CWC27: variants seen among roughly 807,000 people sequenced by gnomAD.
CWC27 encodes spliceosome-associated protein CWC27 homolog.
In CWC27, 47 loss-of-function variants were observed where a neutral mutation model predicts 63.6. That is an observed-to-expected ratio of 0.74 (90% CI 0.58 to 0.94). CWC27 has a LOEUF of 0.94. Among genes scored for constraint, CWC27 ranks in the 40% least tolerant of loss-of-function variants. The probability of loss-of-function intolerance (pLI) is 0.00; values close to 1 mark genes in which losing one functional copy is unlikely to be tolerated. For synonymous variants in CWC27, 175 were observed against 179.8 expected (o/e 0.97, Z 0.22); for missense variants, 495 against 554.3 (o/e 0.89, Z 1.07).
chr5:64,972,765 C>G (rs779770686), intron 12 of CWC27: 6 of 427,554 alleles, frequency 1.4e-5, no homozygotes, highest in South Asian at 1.0e-4. Flanking sequence ...CCTTCCCCCT[C>G]CCCCCATTCC....
chr5:64,960,093 C>T (rs897566490), intron 11 of CWC27, among the ~76,000 whole-genome samples: 2 of 151,964 alleles, frequency 1.3e-5, no homozygotes, highest in African/African-American at 4.8e-5. Context: ...TCCATTAAAC[C>T]ATATATTATG....
chr5:64,960,274 G>A (rs1055373706), intron 11 of CWC27, among the ~76,000 whole-genome samples: 17 of 151,220 alleles, frequency 1.1e-4, no homozygotes, highest in African/African-American at 4.1e-4. Flanking sequence ...TTGTACTTTA[G>A]AGCCAGACTA....
chr5:64,801,740 AC>A (rs1744497538), intron 9 of CWC27, among the ~76,000 whole-genome samples: 1 of 152,168 alleles, frequency 6.6e-6, no homozygotes, highest in Non-Finnish European at 1.5e-5. Flanking sequence ...CTTTTTATAT[AC>A]ACATTTCAAA....
intron 10 of CWC27, chr5:64,807,989 C>T (rs1467037212): frequency 1.6e-5 from 23 of 1,396,334 alleles, no homozygotes; most frequent in East Asian, 5.3e-5. Context: ...AGTTGATAAT[C>T]GACTGGCTAC....
chr5:65,018,027 C>T, intron 13 of CWC27, 132 bp from the exon 14 acceptor site: 1 of 745,724 alleles, frequency 1.3e-6, no homozygotes, highest in Non-Finnish European at 2.1e-6. Context: ...GTGGTGTAAG[C>T]ACCAGTAAAC....
At chr5:64,785,615 A>G (rs748691303) in intron 5 of CWC27, 36 bp downstream of exon 5, 29 of 1,301,270 alleles carry the variant, frequency 2.2e-5, no homozygotes, top group South Asian at 3.7e-5. Flanking sequence ...CAGCACTTAC[A>G]TTGTCGTTTA....
At position 64,982,643 on chromosome 5, in the gene CWC27, G is replaced by A. The variant is rs116120373; in HGVS notation, c.1256+5405G>A. The stretch of plus-strand genomic sequence containing the variant: ...TTCCAACAGGACATTGTCAAGCACA[G>A]TTTAGTATAGATGAACACAAATACA... On this transcript the variant is annotated intron_variant, in intron 13 of 13. Transcript: ENST00000381070. Among the ~76,000 whole-genome samples the A allele has an allele frequency of 1.5e-3, 224 of 152,248 alleles. 1 individual carries two copies. Among genetic ancestry groups the A allele is most frequent in the African/African-American group, 5.3e-3 (219 of 41,550 alleles).
chr5:64,880,063 C>T (rs1746899649), intron 10 of CWC27, among the ~76,000 whole-genome samples: 1 of 151,960 alleles, frequency 6.6e-6, no homozygotes, highest in African/African-American at 2.4e-5. Context: ...CTAATTCCTA[C>T]TTATCACTTA....
Position 64,776,068 on chromosome 5 carries a change from C to CGAGAGA in CWC27, c.139+1330_139+1335dup, listed in dbSNP as rs70983650. On this transcript the variant is annotated intron_variant, in intron 2 of 13. Coordinates refer to ENST00000381070, the MANE Select transcript of CWC27 (RefSeq NM_005869.4). The stretch of plus-strand genomic sequence containing the variant: ...AAGAGAGAGGTGGGGAGGAGTGGAG[C>CGAGAGA]GAGAGAGAGAGAGAGAGAGAGAGAG... Among the ~76,000 whole-genome samples, 587 of 108,548 alleles carry CGAGAGA rather than the reference C, an allele frequency of 5.4e-3. 20 individuals are homozygous for CGAGAGA. Among genetic ancestry groups the CGAGAGA allele is most frequent in the African/African-American group, 0.011 (285 of 26,568 alleles). 71.2% of individuals were successfully genotyped at this position (108,548 alleles called of 152,430 possible).
At chr5:64,849,844 T>C (rs1746089863) in intron 10 of CWC27, among the ~76,000 whole-genome samples, 1 of 152,138 alleles carries the variant, frequency 6.6e-6, no homozygotes. Flanking sequence ...AGGTGCTTCC[T>C]TTTCCTTTGC....
intron 13 of CWC27, among the ~76,000 whole-genome samples, chr5:64,977,766 T>A (rs1749254539): frequency 6.6e-6 from 1 of 152,034 alleles, no homozygotes; most frequent in Admixed American, 6.6e-5. Flanking sequence ...ATAAATAAAG[T>A]AATGACATAT....
chr5:64,913,242 G>A (rs1030280382), intron 11 of CWC27, among the ~76,000 whole-genome samples: 1 of 152,010 alleles, frequency 6.6e-6, no homozygotes, highest in Non-Finnish European at 1.5e-5. Flanking sequence ...CTAGAAATAG[G>A]ACAGTAGTAT....
intron 6 of CWC27, among the ~76,000 whole-genome samples, chr5:64,787,662 A>C (rs1374892919): frequency 1.3e-5 from 2 of 152,088 alleles, no homozygotes; most frequent in Non-Finnish European, 2.9e-5. Flanking sequence ...AATAAATTTC[A>C]GTATTTTGGA....
chr5:64,797,851 C>T (rs1744335199), intron 7 of CWC27, among the ~76,000 whole-genome samples: 1 of 152,130 alleles, frequency 6.6e-6, no homozygotes. Context: ...TAGTATAGCT[C>T]ATTAATGGAC....
At chr5:65,016,881 T>C (rs1750057173) in intron 13 of CWC27, among the ~76,000 whole-genome samples, 1 of 152,128 alleles carries the variant, frequency 6.6e-6, no homozygotes, top group Non-Finnish European at 1.5e-5. Flanking sequence ...GAAAAGATAT[T>C]AGCATCATAT....
chr5:64,861,329 A>G (rs1228375792), intron 10 of CWC27, among the ~76,000 whole-genome samples: 2 of 151,812 alleles, frequency 1.3e-5, no homozygotes, highest in Admixed American at 1.3e-4. Flanking sequence ...GTGTGGCCAA[A>G]TCAGATATAT....
rs188707156 is a variant in CWC27, at chr5:64,933,705, C to T, written c.1043-37998C>T. Among the ~76,000 whole-genome samples the T allele has an allele frequency of 3.9e-5, 6 of 152,168 alleles. No individual in the cohort carries two copies. The East Asian group carries it at 1.2e-3, about 29-fold the overall frequency. Reference sequence around the variant, plus strand: ...ATGGGGTTTCACCATATTGGCCAGGCTGGTCTCAAACTCCTGACCTCATAA... The same window carrying T: ...ATGGGGTTTCACCATATTGGCCAGGTTGGTCTCAAACTCCTGACCTCATAA... On this transcript the variant is annotated intron_variant, in intron 11 of 13. Transcript: ENST00000381070.
chr5:64,899,143 A>G (rs1290359686), intron 11 of CWC27, among the ~76,000 whole-genome samples: 1 of 152,160 alleles, frequency 6.6e-6, no homozygotes, highest in African/African-American at 2.4e-5. Context: ...TCAGGGAGAA[A>G]ATTACTAGAT....
rs371025278 is a variant in CWC27, at chr5:64,786,362, G to A, written c.496-162G>A. On this transcript the variant is annotated intron_variant, in intron 5 of 13. Coordinates refer to ENST00000381070, the MANE Select transcript of CWC27 (RefSeq NM_005869.4). ...ATTATTGAGAGAATCCAGTGAGGCC[G>A]TGTAAGTGGAAGCATGTTGTGTAGT... 7.8e-4 allele frequency among the ~76,000 whole-genome samples: 118 copies of A among 152,150 alleles called. 1 individual carries two copies. In the South Asian group the frequency reaches 0.023, roughly 30 times the overall value.
Sources: gnomAD v4.1 joint callset for allele counts (sites outside exome capture counted in the v4.1 genomes callset) on GRCh38, gnomAD v4.1.1 for gene constraint, MANE v1.5 for transcripts, NCBI Gene and HGNC (gene_info 2026-07-23, HGNC 2026-07-21) for gene names.